Variants in PSD3 observed in about 807,000 individuals in gnomAD.
PSD3 encodes pleckstrin and Sec7 domain containing 3.
Under a neutral mutation model 105.5 loss-of-function variants are expected in PSD3, and 49 were observed. The observed-to-expected ratio is 0.46, with a 90% CI of 0.37 to 0.59. The LOEUF (loss-of-function observed/expected upper bound fraction) is 0.59, where lower values mean the gene tolerates loss of function less well. Ranked by LOEUF, PSD3 falls within the 20% of genes least tolerant of loss-of-function variation. The pLI is 0.00. For missense variants in PSD3, 1,561 were observed against 1,263.8 expected (o/e 1.24, Z -3.57); for synonymous variants, 557 against 457.8 (o/e 1.22, Z -2.77).
At chr8:18,864,887 T>G (rs1462604105) in intron 4 of PSD3, 1 of 151,928 alleles carries the variant, frequency 6.6e-6, no homozygotes, top group Non-Finnish European at 1.5e-5. Context: ...GCTCACTGAT[T>G]GCTTTAAAAA....
At chr8:18,698,913 T>C (rs10503628) in intron 9 of PSD3, among the ~76,000 whole-genome samples, 8,260 of 152,270 alleles carry the variant, frequency 0.054, 531 homozygotes, top group African/African-American at 0.15. Context: ...AGAAACACTA[T>C]CATTTAAAAT....
chr8:18,701,675 C>T (rs538753255), intron 9 of PSD3, among the ~76,000 whole-genome samples: 7 of 152,282 alleles, frequency 4.6e-5, no homozygotes, highest in South Asian at 2.1e-4. Flanking sequence ...GATATATACA[C>T]GTGCCTGTCA....
chr8:18,559,004 A>T (rs1801240331), intron 14 of PSD3, among the ~76,000 whole-genome samples: 1 of 152,146 alleles, frequency 6.6e-6, no homozygotes, highest in Non-Finnish European at 1.5e-5. Context: ...AGGACACATT[A>T]CAATTTTGTT....
intron 13 of PSD3, among the ~76,000 whole-genome samples, chr8:18,573,849 C>T (rs1180784442): frequency 6.6e-6 from 1 of 151,960 alleles, no homozygotes; most frequent in East Asian, 1.9e-4. Context: ...GGAAATGATT[C>T]AAAACTAGAT....
intron 1 of PSD3, among the ~76,000 whole-genome samples, chr8:19,061,288 C>T (rs918866327): frequency 6.6e-6 from 1 of 151,880 alleles, no homozygotes; most frequent in Non-Finnish European, 1.5e-5. Flanking sequence ...GGTCAAGATC[C>T]TTATAATTAG....
At chr8:18,558,017 G>A (rs190728274) in intron 14 of PSD3, among the ~76,000 whole-genome samples, 1 of 152,316 alleles carries the variant, frequency 6.6e-6, no homozygotes, top group East Asian at 1.9e-4. Flanking sequence ...GACACTGTGT[G>A]CAAGCACCAA....
At chr8:18,949,657 T>C (rs1331256726) in intron 1 of PSD3, among the ~76,000 whole-genome samples, 1 of 152,046 alleles carries the variant, frequency 6.6e-6, no homozygotes, top group East Asian at 1.9e-4. Flanking sequence ...CGTGACCAGA[T>C]CATACCAAGC....
intron 8 of PSD3, among the ~76,000 whole-genome samples, chr8:18,796,028 CAAA>C (rs1563278078): frequency 6.6e-6 from 1 of 152,052 alleles, no homozygotes; most frequent in East Asian, 1.9e-4. Context: ...AATTATATAG[CAAA>C]TTCACCACAC....
intron 2 of PSD3, among the ~76,000 whole-genome samples, chr8:18,934,959 G>T (rs890561484): frequency 3.3e-5 from 5 of 152,292 alleles, no homozygotes; most frequent in Admixed American, 2.6e-4. Context: ...AAAAAGTATT[G>T]CATTAACAGG....
intron 8 of PSD3, among the ~76,000 whole-genome samples, chr8:18,776,967 T>C (rs1258366951): frequency 6.6e-6 from 1 of 152,162 alleles, no homozygotes; most frequent in Non-Finnish European, 1.5e-5. Context: ...GCGGTATCAG[T>C]AGTTATGTCT....
intron 1 of PSD3, among the ~76,000 whole-genome samples, chr8:19,045,230 A>G (rs1325651732): frequency 6.6e-6 from 1 of 152,090 alleles, no homozygotes; most frequent in African/African-American, 2.4e-5. Flanking sequence ...GAAAAAGAAA[A>G]GTAAAAAAGT....
intron 1 of PSD3, among the ~76,000 whole-genome samples, chr8:19,083,214 A>G (rs1829698569): frequency 6.6e-6 from 1 of 152,164 alleles, no homozygotes; most frequent in African/African-American, 2.4e-5. Flanking sequence ...GCTCACACAC[A>G]TGCAAAGGAT....
chr8:18,625,559 CT>C (rs1264725156), intron 11 of PSD3, among the ~76,000 whole-genome samples: 1 of 152,146 alleles, frequency 6.6e-6, no homozygotes, highest in Non-Finnish European at 1.5e-5. Context: ...AGCTTGAGAC[CT>C]CCAGTTATCT....
At chr8:18,851,698 C>T (rs149377559) in intron 4 of PSD3, among the ~76,000 whole-genome samples, 441 of 152,276 alleles carry the variant, frequency 2.9e-3, no homozygotes, top group African/African-American at 9.5e-3. Context: ...AGGGAGGGAC[C>T]GAGCTGCACA....
intron 1 of PSD3, among the ~76,000 whole-genome samples, chr8:18,982,745 T>C (rs558924436): frequency 3.5e-4 from 54 of 152,348 alleles, no homozygotes; most frequent in Non-Finnish European, 6.9e-4. Flanking sequence ...CTTCAAATAT[T>C]CAGTAAACCA....
intron 2 of PSD3, among the ~76,000 whole-genome samples, chr8:18,914,805 A>C (rs1820476636): frequency 6.6e-6 from 1 of 152,234 alleles, no homozygotes. Context: ...GATCCAATGT[A>C]ACACTTATAA....
chr8:19,002,456 G>A (rs1358757998), intron 1 of PSD3, among the ~76,000 whole-genome samples: 1 of 151,862 alleles, frequency 6.6e-6, no homozygotes, highest in African/African-American at 2.4e-5. Context: ...TATCAACTTA[G>A]TAGTTCTAGT....
In PSD3 at chr8:18,885,084, C is replaced by A. The variant is rs1391361888; in HGVS notation, c.131-12351G>T. Among the ~76,000 whole-genome samples, 4 of 152,176 alleles carry A rather than the reference C, an allele frequency of 2.6e-5. 1 individual carries two copies. The South Asian group carries it at 8.3e-4, about 32-fold the overall frequency. ...CTTTTTCAACCAGTGGGGTTCTCCA[C>A]TCTTGTCTGCCTCTCTTTGTCATAA... On this transcript the variant is annotated intron_variant, in intron 2 of 15. Transcript: ENST00000327040.
rs192937916 is a variant in PSD3 at position 18,655,734 on chromosome 8, C to A, written c.2173-49G>T. 874 of 1,560,850 alleles carry A rather than the reference C, an allele frequency of 5.6e-4. 8 individuals are homozygous for A. In the Middle Eastern group the frequency reaches 0.01, roughly 18 times the overall value. On this transcript the variant is annotated intron_variant, in intron 9 of 15. Coordinates refer to ENST00000327040, the MANE Select transcript of PSD3 (RefSeq NM_015310.4). ...ACATTATTCTTTCCATTCTGTTCCACATTTTGAATTCAGCAAATGACCAAG... is the reference window on the plus strand; with the variant it reads ...ACATTATTCTTTCCATTCTGTTCCAAATTTTGAATTCAGCAAATGACCAAG...
Sources: allele counts gnomAD v4.1 joint callset (sites outside exome capture counted in the v4.1 genomes callset), GRCh38; gene constraint gnomAD v4.1.1; transcripts MANE v1.5; gene names NCBI Gene and HGNC (gene_info 2026-07-23, HGNC 2026-07-21).